AKT3: variants seen among roughly 807,000 people sequenced by gnomAD.
AKT3 encodes AKT serine/threonine kinase 3.
A neutral mutation model predicts 65.3 loss-of-function variants in AKT3; 15 were observed. That is an observed-to-expected ratio of 0.23 (90% CI 0.15 to 0.35). The LOEUF (loss-of-function observed/expected upper bound fraction) is 0.35. Ranked by LOEUF, AKT3 falls within the 10% of genes least tolerant of loss-of-function variation. The pLI, the probability that AKT3 is intolerant of heterozygous loss-of-function variation, is 1.00. For synonymous variants in AKT3, 206 were observed against 183.8 expected (o/e 1.12, Z -0.98); for missense variants, 243 against 576.5 (o/e 0.42, Z 5.92).
chr1:243,843,338 A>G (rs927442015), intron 1 of AKT3, 56 bp from the exon 2 acceptor site: 77 of 1,341,644 alleles, frequency 5.7e-5, no homozygotes, highest in Non-Finnish European at 7.0e-5. Context: ...CTCACAGAGC[A>G]ATAACAAACA....
chr1:243,840,495 C>T (rs754653075), intron 2 of AKT3, among the ~76,000 whole-genome samples: 1 of 152,112 alleles, frequency 6.6e-6, no homozygotes, highest in African/African-American at 2.4e-5. Context: ...CACATGTATC[C>T]CAGAACTTAA....
In AKT3 at chr1:243,539,332, TTAA is replaced by T. The variant is rs879156354; in HGVS notation, c.1251+6175_1251+6177del. 1.1e-4 allele frequency among the ~76,000 whole-genome samples: 16 copies of T among 152,302 alleles called. No individual in the cohort carries two copies. In the South Asian group the frequency reaches 2.1e-3, roughly 20 times the overall value. ...ATATTTCCTCTTCCTTATGATTTTA[TTAA>T]TAATATTTCCCTTCCTGTAGCTTAC... On this transcript the variant is annotated intron_variant, in intron 12 of 13. Coordinates refer to ENST00000673466, the MANE Select transcript of AKT3 (RefSeq NM_005465.7).
chr1:243,663,611 A>T (rs1029166270), intron 4 of AKT3, among the ~76,000 whole-genome samples: 4 of 152,172 alleles, frequency 2.6e-5, no homozygotes, highest in African/African-American at 9.7e-5. Context: ...ACTCTTTTCT[A>T]TATTTCTTAA....
At chr1:243,745,407 A>G (rs1688420370) in intron 2 of AKT3, among the ~76,000 whole-genome samples, 1 of 152,218 alleles carries the variant, frequency 6.6e-6, no homozygotes, top group Admixed American at 6.5e-5. Flanking sequence ...AAAATTATTT[A>G]TTTTAAAATG....
At position 243,503,153 on chromosome 1, in the gene AKT3, G is replaced by A. The variant is rs1342740113; in HGVS notation, c.*2096C>T. 1 of 233,510 alleles carries A rather than the reference G, an allele frequency of 4.3e-6. No homozygotes were observed. 14.5% of individuals were successfully genotyped at this position (233,510 alleles called of 1,614,324 possible). ...AAGTAAGAATGAACTACCATTTACT[G>A]TAACTTCCTACTCAATACTAAGGAT... On this transcript the variant is annotated 3_prime_UTR_variant, in exon 14 of 14. Coordinates refer to ENST00000673466, the MANE Select transcript of AKT3 (RefSeq NM_005465.7).
Position 243,685,490 on chromosome 1 carries a change from G to A in AKT3, c.172+10101C>T, listed in dbSNP as rs560048374. ...GTTTGTCAAAGATCAGATGACTGTA[G>A]ATGTGTGGTGTTATTTCTGAGGCCT... On this transcript the variant is annotated intron_variant, in intron 3 of 13. Transcript: ENST00000673466. Among the ~76,000 whole-genome samples, 228 of 152,284 alleles carry A rather than the reference G, an allele frequency of 1.5e-3. 1 individual carries two copies. Among genetic ancestry groups the A allele is most frequent in the African/African-American group, 5.3e-3 (220 of 41,554 alleles).
At chr1:243,520,684 T>C (rs970630908) in intron 12 of AKT3, among the ~76,000 whole-genome samples, 1 of 152,244 alleles carries the variant, frequency 6.6e-6, no homozygotes, top group African/African-American at 2.4e-5. Context: ...AATCTTTATT[T>C]GAAAACCAAT....
At position 243,843,195 on chromosome 1, in the gene AKT3, C is replaced by T. The variant is rs1695353007; in HGVS notation, c.-25G>A. 1 of 1,610,308 alleles carries T rather than the reference C, an allele frequency of 6.2e-7. No homozygotes were observed. The highest frequency in any genetic ancestry group is 1.3e-5 in the African/African-American group (1 of 74,826). The stretch of plus-strand genomic sequence containing the variant: ...TGATGACTCCCCTCTGAGCCCCCAA[C>T]TTGGAGAAATGGTACTTTGTGATAT... On this transcript the variant is annotated 5_prime_UTR_variant, in exon 2 of 14. Transcript: ENST00000673466.
chr1:243,741,685 C>T (rs1431996051), intron 2 of AKT3: 1 of 152,064 alleles, frequency 6.6e-6, no homozygotes, highest in East Asian at 1.9e-4. Context: ...CTCACATTTC[C>T]AAATTTCCTA....
At chr1:243,646,059 C>G (rs759144021) in intron 4 of AKT3, 22 bp from the exon 5 acceptor site, 2 of 1,564,540 alleles carry the variant, frequency 1.3e-6, no homozygotes, top group South Asian at 2.4e-5. Context: ...AGTAAAATTT[C>G]CCATTAATAG....
intron 6 of AKT3, among the ~76,000 whole-genome samples, chr1:243,617,704 G>C (rs778019052): frequency 2.0e-5 from 3 of 152,052 alleles, no homozygotes; most frequent in Non-Finnish European, 4.4e-5. Context: ...GTGATGGGGT[G>C]GGGGTGACAT....
At chr1:243,695,744 G>C in intron 2 of AKT3, 28 bp from the exon 3 acceptor site, 1 of 1,552,870 alleles carries the variant, frequency 6.4e-7, no homozygotes, top group Non-Finnish European at 8.7e-7. Context: ...GCATGTTAAT[G>C]CTGAAAAAAA....
At chr1:243,530,840 T>C (rs1467435059) in intron 12 of AKT3, among the ~76,000 whole-genome samples, 1 of 152,220 alleles carries the variant, frequency 6.6e-6, no homozygotes, top group East Asian at 1.9e-4. Flanking sequence ...TCATTACTAC[T>C]CTTCAATTTT....
intron 2 of AKT3, among the ~76,000 whole-genome samples, chr1:243,750,492 A>G (rs979540449): frequency 1.3e-5 from 2 of 151,606 alleles, no homozygotes; most frequent in Non-Finnish European, 2.9e-5. Flanking sequence ...TTTGTCCTCC[A>G]CTTCTGGGCA....
chr1:243,568,251 C>T (rs1674314267), intron 9 of AKT3, among the ~76,000 whole-genome samples: 1 of 152,052 alleles, frequency 6.6e-6, no homozygotes, highest in African/African-American at 2.4e-5. Context: ...TATTCACAGC[C>T]AATCTCAGTT....
intron 2 of AKT3, among the ~76,000 whole-genome samples, chr1:243,699,506 TATATATAA>T (rs1685298889): frequency 8.0e-6 from 1 of 124,400 alleles, no homozygotes; most frequent in African/African-American, 3.2e-5. Context: ...TATATATATA[TATATATAA>T]TCTTCATGGG....
intron 2 of AKT3, among the ~76,000 whole-genome samples, chr1:243,753,595 A>C (rs1415577576): frequency 6.6e-6 from 1 of 152,232 alleles, no homozygotes; most frequent in Non-Finnish European, 1.5e-5. Flanking sequence ...TACATCTGAT[A>C]GTTGTATAAT....
At chr1:243,495,783 C>T (rs1558554380), downstream of AKT3, among the ~76,000 whole-genome samples, 1 of 152,166 alleles carries the variant, frequency 6.6e-6, no homozygotes. Context: ...GCGTTGGTGG[C>T]GAGCCAGAGC....
Position 243,505,105 on chromosome 1 carries a change from A to G in AKT3, c.*144T>C. On this transcript the variant is annotated 3_prime_UTR_variant, in exon 14 of 14. Transcript: ENST00000673466. Reference sequence around the variant, plus strand: ...GTATGTGTGTTTTCATGAGGGTGAAAGGTGGCGAGGGGTGAGGACCCTTGG... The same window carrying G: ...GTATGTGTGTTTTCATGAGGGTGAAGGGTGGCGAGGGGTGAGGACCCTTGG... The G allele has an allele frequency of 1.5e-6, 1 of 648,324 alleles. No homozygotes were observed. Among genetic ancestry groups the G allele is most frequent in the East Asian group, 2.7e-5 (1 of 36,376 alleles). 40.2% of individuals were successfully genotyped at this position (648,324 alleles called of 1,614,324 possible).
Sources: allele counts gnomAD v4.1 joint callset (sites outside exome capture counted in the v4.1 genomes callset), GRCh38; gene constraint gnomAD v4.1.1; transcripts MANE v1.5; gene names NCBI Gene and HGNC (gene_info 2026-07-23, HGNC 2026-07-21).